CBLB: variants seen among roughly 807,000 people sequenced by gnomAD.
CBLB encodes E3 ubiquitin-protein ligase CBL-B.
In CBLB, 31 loss-of-function variants were observed where a neutral mutation model predicts 104.9. That is an observed-to-expected ratio of 0.30 (90% CI 0.22 to 0.40). The LOEUF is 0.40. Ranked by LOEUF, CBLB falls within the 10% of genes least tolerant of loss-of-function variation. The pLI, the probability that CBLB is intolerant of heterozygous loss-of-function variation, is 1.00. For synonymous variants in CBLB, 440 were observed against 422.6 expected, an observed-to-expected ratio of 1.04 and a Z score of -0.51; for missense variants, 1,062 against 1,214.6, an observed-to-expected ratio of 0.87 and a Z score of 1.87.
At chr3:105,775,542 CCTTA>C (rs1441219343) in intron 4 of CBLB, among the ~76,000 whole-genome samples, 6 of 152,260 alleles carry the variant, frequency 3.9e-5, no homozygotes, top group South Asian at 2.1e-4. Context: ...CACACTTCCT[CCTTA>C]CTTACTCAGC....
intron 3 of CBLB, among the ~76,000 whole-genome samples, chr3:105,829,966 C>A (rs1221215524): frequency 1.3e-5 from 2 of 151,924 alleles, no homozygotes; most frequent in Non-Finnish European, 2.9e-5. Flanking sequence ...ATGTATAAAC[C>A]CAAGGATCCC....
rs545559175 is a variant in CBLB at position 105,745,834 on chromosome 3, A to G, written c.845+83T>C. On this transcript the variant is annotated intron_variant, in intron 6 of 18. Transcript: ENST00000394030. ...CCTCCCAAGCATGCCATCAGCGGGT[A>G]TTGCTGACTTACTTAGGAACAAACC... 3.2e-6 allele frequency: 4 copies of G among 1,256,324 alleles called. No individual in the cohort carries two copies. In the East Asian group the frequency reaches 9.4e-5, roughly 30 times the overall value. The allele number at this position is 1,256,324 out of a possible 1,614,324, so 77.8% of individuals were successfully genotyped here. A position where few individuals can be genotyped will look rare whatever the true frequency, so the allele number is the denominator to read the frequency against.
At chr3:105,755,918 G>T (rs1177575934) in intron 4 of CBLB, among the ~76,000 whole-genome samples, 2 of 152,138 alleles carry the variant, frequency 1.3e-5, no homozygotes, top group Admixed American at 1.3e-4. Flanking sequence ...TATTGTCGTG[G>T]AAAAGTGTTC....
In CBLB at chr3:105,867,443, G is replaced by T; in HGVS notation, c.135C>A (p.Thr45=). 6.2e-7 allele frequency: 1 copy of T among 1,614,094 alleles called. No individual in the cohort carries two copies. The highest frequency in any genetic ancestry group is 1.1e-5 in the South Asian group (1 of 91,082). ...PPKQAAADRR[T]VEKTWKLMDK... The stretch of plus-strand genomic sequence containing the variant: ...CCATGAGCTTCCAAGTCTTCTCCAC[G>T]GTCCTGCGATCTGCGGCAGCTTGCT... Residue 45 remains threonine, a synonymous_variant, in exon 2 of 19, where the codon ACC becomes ACA. Transcript: ENST00000394030.
At chr3:105,805,192 A>C (rs572841801) in intron 3 of CBLB, among the ~76,000 whole-genome samples, 8 of 152,034 alleles carry the variant, frequency 5.3e-5, no homozygotes, top group Non-Finnish European at 8.8e-5. Context: ...TGGTACCCTA[A>C]TTTTTATAAA....
At chr3:105,798,333 T>C (rs530725971) in intron 3 of CBLB, among the ~76,000 whole-genome samples, 41 of 152,160 alleles carry the variant, frequency 2.7e-4, no homozygotes, top group Non-Finnish European at 4.7e-4. Flanking sequence ...ATAAATATTA[T>C]CAGTAGATTA....
At chr3:105,847,788 C>G (rs1429127592) in intron 3 of CBLB, among the ~76,000 whole-genome samples, 3 of 152,092 alleles carry the variant, frequency 2.0e-5, no homozygotes, top group Non-Finnish European at 2.9e-5. Context: ...GATTAATACA[C>G]ACTTTTCAGA....
intron 3 of CBLB, among the ~76,000 whole-genome samples, chr3:105,789,317 A>C (rs2081378941): frequency 6.6e-6 from 1 of 152,190 alleles, no homozygotes; most frequent in African/African-American, 2.4e-5. Context: ...AAAGTATCAA[A>C]CATCTTATTT....
chr3:105,730,689 T>C (rs2074223627), intron 9 of CBLB, among the ~76,000 whole-genome samples: 1 of 152,092 alleles, frequency 6.6e-6, no homozygotes, highest in African/African-American at 2.4e-5. Context: ...CTGCTTTGTG[T>C]GAGGAGAATT....
intron 12 of CBLB, 126 bp from the exon 13 acceptor site, chr3:105,693,714 C>A (rs991253047): frequency 1.4e-6 from 1 of 704,456 alleles, no homozygotes; most frequent in South Asian, 1.5e-5. Flanking sequence ...AAATGTCATA[C>A]AATTTATTCA....
chr3:105,799,457 T>C (rs2082600312), intron 3 of CBLB, among the ~76,000 whole-genome samples: 1 of 152,186 alleles, frequency 6.6e-6, no homozygotes, highest in Non-Finnish European at 1.5e-5. Context: ...TGTGTTTCAG[T>C]GCCTTTCATA....
At chr3:105,735,445 C>T (rs968916297) in intron 8 of CBLB, among the ~76,000 whole-genome samples, 1 of 152,066 alleles carries the variant, frequency 6.6e-6, no homozygotes, top group African/African-American at 2.4e-5. Context: ...AAAAAAATTA[C>T]ATTAAGCTAA....
At chr3:105,681,403 G>C in intron 16 of CBLB, 76 bp downstream of exon 16, 1 of 1,492,566 alleles carries the variant, frequency 6.7e-7, no homozygotes, top group South Asian at 1.1e-5. Flanking sequence ...GTGTTATACT[G>C]AACTCTGAAT....
At chr3:105,766,195 C>T (rs990448706) in intron 4 of CBLB, among the ~76,000 whole-genome samples, 1 of 152,076 alleles carries the variant, frequency 6.6e-6, no homozygotes, top group South Asian at 2.1e-4. Context: ...TAAATTGATG[C>T]AAATCTCATA....
At chr3:105,845,523 G>A in intron 3 of CBLB, among the ~76,000 whole-genome samples, 1 of 150,904 alleles carries the variant, frequency 6.6e-6, no homozygotes, top group Non-Finnish European at 1.5e-5. Context: ...TTTGTATTTT[G>A]TAAAATATAC....
chr3:105,833,709 T>A, intron 3 of CBLB, among the ~76,000 whole-genome samples: 1 of 152,162 alleles, frequency 6.6e-6, no homozygotes, highest in Admixed American at 6.5e-5. Context: ...ATTTCTAAAA[T>A]TAAATATACT....
intron 2 of CBLB, 150 bp from the exon 3 acceptor site, chr3:105,853,814 C>A: frequency 1.6e-6 from 1 of 609,832 alleles, no homozygotes; most frequent in Non-Finnish European, 2.8e-6. Flanking sequence ...CTGATAGTCA[C>A]GTTTGTCATA....
intron 17 of CBLB, 129 bp downstream of exon 17, chr3:105,678,302 A>T: frequency 1.1e-6 from 1 of 879,782 alleles, no homozygotes; most frequent in Non-Finnish European, 1.9e-6. Context: ...TGCTACTTTT[A>T]CCACCCAGGG....
rs199619381 is a variant in CBLB at position 105,776,332 on chromosome 3, T to C, written c.566+64A>G. On this transcript the variant is annotated intron_variant, in intron 4 of 18. Coordinates refer to ENST00000394030, the MANE Select transcript of CBLB (RefSeq NM_170662.5). ...AAGTAAAATATATACCATATCCAACTGGAGGGAGGATACAGTAACCCTTGA... is the reference window on the plus strand; with the variant it reads ...AAGTAAAATATATACCATATCCAACCGGAGGGAGGATACAGTAACCCTTGA... The C allele has an allele frequency of 5.8e-5, 62 of 1,071,104 alleles. 1 individual carries two copies. The Admixed American group carries it at 8.2e-4, about 14-fold the overall frequency. The allele number at this position is 1,071,104 out of a possible 1,614,324, so 66.4% of individuals were successfully genotyped here. A position where few individuals can be genotyped will look rare whatever the true frequency, so the allele number is the denominator to read the frequency against.
Sources: gnomAD v4.1 joint callset for allele counts (sites outside exome capture counted in the v4.1 genomes callset) on GRCh38, gnomAD v4.1.1 for gene constraint, MANE v1.5 for transcripts, NCBI Gene and HGNC (gene_info 2026-07-23, HGNC 2026-07-21) for gene names.